Variants in IRAK1BP1 observed in about 807,000 individuals in gnomAD.
The protein encoded by IRAK1BP1 is interleukin-1 receptor-associated kinase 1-binding protein 1.
A neutral mutation model predicts 28.0 loss-of-function variants in IRAK1BP1; 24 were observed. That is an observed-to-expected ratio of 0.86 (90% CI 0.62 to 1.20). The LOEUF (loss-of-function observed/expected upper bound fraction) is 1.20, where lower values mean the gene tolerates loss of function less well. IRAK1BP1 is among the 50% of genes most tolerant of loss of function. The pLI is 0.00. For synonymous variants in IRAK1BP1, 131 were observed against 116.3 expected (o/e 1.13, Z -0.81); for missense variants, 336 against 316.7 (o/e 1.06, Z -0.46).
At chr6:78,959,524 G>T in the IRAK1BP1 span, among the ~76,000 whole-genome samples, 3 of 152,008 alleles carry the variant, frequency 2.0e-5, no homozygotes, top group Non-Finnish European at 4.4e-5. Flanking sequence ...GAAGTTTCAC[G>T]AAAGAAAAAC....
At chr6:78,868,833 CA>C (rs1770687845) in intron 1 of IRAK1BP1, among the ~76,000 whole-genome samples, 1 of 152,128 alleles carries the variant, frequency 6.6e-6, no homozygotes, top group Non-Finnish European at 1.5e-5. Context: ...TCAGTTTTCT[CA>C]TTTTATAGAG....
In IRAK1BP1 at chr6:78,898,099, G is replaced by A. The variant is rs1562088450; in HGVS notation, c.548G>A (p.Trp183Ter). The change falls in exon 4 of 4, where the codon TGG (tryptophan) becomes TAG (stop). Residue 183 changes from tryptophan (W) to a stop codon, truncating the protein, a stop_gained. Coordinates refer to ENST00000369940, the MANE Select transcript of IRAK1BP1 (RefSeq NM_001010844.4). LOFTEE classifies it high-confidence loss of function. ...TGTCTTGTTGCTGTTGAGAATGCGT[G>A]GCGCAAAGCTCAAGAAGTCTGTAAC... ...QACLVAVENA[W>*]RKAQEVCNLV... 6.2e-7 allele frequency: 1 copy of A among 1,612,568 alleles called. No homozygotes were observed. The highest frequency in any genetic ancestry group is 8.5e-7 in the Non-Finnish European group (1 of 1,179,418).
At position 78,880,735 on chromosome 6, in the gene IRAK1BP1, G is replaced by A. The variant is rs549942150; in HGVS notation, c.316-4643G>A. 1.2e-4 allele frequency among the ~76,000 whole-genome samples: 18 copies of A among 152,172 alleles called. No homozygotes were observed. The East Asian group carries it at 3.3e-3, about 28-fold the overall frequency. On this transcript the variant is annotated intron_variant, in intron 1 of 3. Coordinates refer to ENST00000369940, the MANE Select transcript of IRAK1BP1 (RefSeq NM_001010844.4). ...CACAAAAGATCTTAACAGACACTTC[G>A]CCAAGGAACTTATACAGATGGCAAA... is the stretch of plus-strand genomic sequence containing the variant.
intron 1 of IRAK1BP1, among the ~76,000 whole-genome samples, chr6:78,879,493 C>G (rs1230822773): frequency 6.6e-6 from 1 of 152,178 alleles, no homozygotes; most frequent in Non-Finnish European, 1.5e-5. Flanking sequence ...ACAAATGTTG[C>G]TGCAACAGTC....
chr6:78,876,593 CGTT>C (rs915160232), intron 1 of IRAK1BP1, among the ~76,000 whole-genome samples: 12 of 152,236 alleles, frequency 7.9e-5, no homozygotes, highest in East Asian at 5.8e-4. Flanking sequence ...TTGGATAACT[CGTT>C]GTTGTTGGGG....
the IRAK1BP1 span, among the ~76,000 whole-genome samples, chr6:78,971,162 TAATC>T: frequency 6.6e-6 from 1 of 152,310 alleles, no homozygotes; most frequent in Admixed American, 6.5e-5. Context: ...CAAAATAAGT[TAATC>T]TATGTTGCAT....
At chr6:78,973,354 C>T in the IRAK1BP1 span, among the ~76,000 whole-genome samples, 1 of 150,466 alleles carries the variant, frequency 6.6e-6, no homozygotes, top group South Asian at 2.1e-4. Context: ...ACCAGGCCTG[C>T]CCTACAAGAG....
the IRAK1BP1 span, chr6:78,978,756 C>G: frequency 6.8e-7 from 1 of 1,462,968 alleles, no homozygotes; most frequent in Non-Finnish European, 9.5e-7. Context: ...ATCAAAAAAG[C>G]ATTAATCCAC....
the IRAK1BP1 span, chr6:78,978,457 A>T: frequency 3.8e-6 from 2 of 530,740 alleles, no homozygotes; most frequent in South Asian, 4.4e-5. Context: ...TACTTTCTCC[A>T]TACATAGATA....
At chr6:78,961,630 T>G in the IRAK1BP1 span, 3 of 1,568,710 alleles carry the variant, frequency 1.9e-6, no homozygotes, top group Non-Finnish European at 2.6e-6. Flanking sequence ...TAAAGATCAG[T>G]AAATGGGTGG....
chr6:78,959,496 T>TA, the IRAK1BP1 span, among the ~76,000 whole-genome samples: 1 of 152,096 alleles, frequency 6.6e-6, no homozygotes, highest in Non-Finnish European at 1.5e-5. Flanking sequence ...AGTAATAGTT[T>TA]AACAAGAGAT....
chr6:78,904,274 T>A (rs556078009), downstream of IRAK1BP1, among the ~76,000 whole-genome samples: 6 of 152,334 alleles, frequency 3.9e-5, no homozygotes, highest in East Asian at 1.2e-3. Flanking sequence ...TCTTAAATCA[T>A]TTCAGAACCT....
chr6:78,975,455 A>C, the IRAK1BP1 span, among the ~76,000 whole-genome samples: 8 of 152,202 alleles, frequency 5.3e-5, no homozygotes, highest in South Asian at 8.3e-4. Context: ...TCCCTTTGAA[A>C]ACTGGCACAA....
intron 4 of IRAK1BP1, chr6:78,945,234 T>C: frequency 8.3e-7 from 1 of 1,208,090 alleles, no homozygotes; most frequent in Non-Finnish European, 1.2e-6. Context: ...TAAATGCTGA[T>C]TCCAACAAAA....
chr6:78,904,874 A>G (rs982263131), downstream of IRAK1BP1, among the ~76,000 whole-genome samples: 1 of 151,374 alleles, frequency 6.6e-6, no homozygotes, highest in African/African-American at 2.5e-5. Context: ...CACTAGCTCA[A>G]TACGTACAAA....
intron 1 of IRAK1BP1, among the ~76,000 whole-genome samples, chr6:78,872,792 A>G (rs1770836360): frequency 6.6e-6 from 1 of 152,092 alleles, no homozygotes; most frequent in South Asian, 2.1e-4. Flanking sequence ...AGTAGGCATT[A>G]TTTTCTTCTG....
chr6:78,923,985 A>T (rs1772816121), intron 4 of IRAK1BP1, among the ~76,000 whole-genome samples: 2 of 152,160 alleles, frequency 1.3e-5, no homozygotes, highest in Non-Finnish European at 2.9e-5. Context: ...TAAAATTGAC[A>T]CCCTAACATT....
At chr6:78,946,166 G>A (rs1773802304) in exon 5 of IRAK1BP1, 1 of 1,614,014 alleles carries the variant, frequency 6.2e-7, no homozygotes, top group Non-Finnish European at 8.5e-7. Context: ...GCAGCATTGT[G>A]TCTTGGCGGT....
At position 78,894,747 on chromosome 6, in the gene IRAK1BP1, C is replaced by G. The variant is rs147353857; in HGVS notation, c.382-3082C>G. Among the ~76,000 whole-genome samples the G allele has an allele frequency of 4.7e-4, 72 of 152,228 alleles. 2 individuals carry two copies. In the East Asian group the frequency reaches 0.012, roughly 24 times the overall value. The stretch of plus-strand genomic sequence containing the variant: ...TGACATATATAGAACACTCCAAAAA[C>G]AGCAGCCTACACATTCCTTTCAAGT... On this transcript the variant is annotated intron_variant, in intron 2 of 3. Coordinates refer to ENST00000369940, the MANE Select transcript of IRAK1BP1 (RefSeq NM_001010844.4).
Sources: gnomAD v4.1 joint callset for allele counts (sites outside exome capture counted in the v4.1 genomes callset) on GRCh38, gnomAD v4.1.1 for gene constraint, MANE v1.5 for transcripts, NCBI Gene and HGNC (gene_info 2026-07-23, HGNC 2026-07-21) for gene names.